Variants in APOOL observed in about 807,000 individuals in gnomAD.
APOOL encodes apolipoprotein O like, also known as MICOS complex subunit MIC27.
Under a neutral mutation model 23.1 loss-of-function variants are expected in APOOL, and 12 were observed. That is an observed-to-expected ratio of 0.52 (90% CI 0.33 to 0.84). The LOEUF (loss-of-function observed/expected upper bound fraction) is 0.84. Among genes scored for constraint, APOOL ranks in the 40% least tolerant of loss-of-function variants. The pLI, the probability that APOOL is intolerant of heterozygous loss-of-function variation, is 0.02. For missense variants in APOOL, 212 were observed against 199.6 expected (o/e 1.06, Z -0.37); for synonymous variants, 77 against 69.9 (o/e 1.10, Z -0.51).
Position 85,055,932 on chromosome X carries a change from T to C in APOOL, c.394+7T>C, listed in dbSNP as rs202192986. ...TTGGTTTCAGCGAGAAAAGGTAGGG[T>C]TTTAAAAAATATATTCTCTCTTAAT... On this transcript the variant is annotated splice_region_variant and intron_variant, in intron 5 of 8. Transcript: ENST00000373173. 400 of 1,150,872 alleles carry C rather than the reference T, an allele frequency of 3.5e-4. 1 individual carries two copies. In the African/African-American group the frequency reaches 6.4e-3, roughly 18 times the overall value. The allele number at this position is 1,150,872 out of a possible 1,213,427, so 94.8% of individuals were successfully genotyped here.
intron 1 of APOOL, among the ~76,000 whole-genome samples, chrX:85,012,379 A>G (rs1040645167): frequency 3.6e-5 from 4 of 111,310 alleles, no homozygotes; most frequent in African/African-American, 1.3e-4. Flanking sequence ...TTCCAGTATC[A>G]TGTTGAATAG....
intron 1 of APOOL, among the ~76,000 whole-genome samples, chrX:85,006,269 A>G (rs1921076815): frequency 9.0e-6 from 1 of 111,485 alleles, no homozygotes; most frequent in Non-Finnish European, 1.9e-5. Context: ...CAGATGATTT[A>G]CATATATTAT....
intron 1 of APOOL, among the ~76,000 whole-genome samples, chrX:85,042,108 C>T (rs1470639829): frequency 9.0e-6 from 1 of 111,386 alleles, no homozygotes; most frequent in Non-Finnish European, 1.9e-5. Context: ...TAATAAAGAT[C>T]AGAACAGAAA....
At chrX:85,011,412 C>T (rs1392606954) in intron 1 of APOOL, among the ~76,000 whole-genome samples, 1 of 111,791 alleles carries the variant, frequency 8.9e-6, no homozygotes, top group Non-Finnish European at 1.9e-5. Context: ...TACTCTTTGC[C>T]TAAGCCAATG....
At position 85,040,224 on chromosome X, in the gene APOOL, C is replaced by A. The variant is rs746586291; in HGVS notation, c.16-6222C>A. On this transcript the variant is annotated intron_variant, in intron 1 of 8. Coordinates refer to ENST00000373173, the MANE Select transcript of APOOL (RefSeq NM_198450.6). ...TTTATTTAAGAATGCTGCATATAGG[C>A]CCCAAATCTCTTCTGGCTTATAGCA... Among the ~76,000 whole-genome samples, 80 of 112,107 alleles carry A rather than the reference C, an allele frequency of 7.1e-4. 1 individual carries two copies. The highest frequency in any genetic ancestry group is 2.5e-3 in the African/African-American group (76 of 30,873).
At chrX:85,017,139 G>T (rs1339899999) in intron 1 of APOOL, among the ~76,000 whole-genome samples, 1 of 112,089 alleles carries the variant, frequency 8.9e-6, no homozygotes, top group African/African-American at 3.2e-5. Flanking sequence ...GGGTTATTAA[G>T]TGGATCTGAG....
chrX:85,014,316 G>A lies in APOOL; in HGVS notation c.15+10389G>A, dbSNP rs1371504973. On this transcript the variant is annotated intron_variant, in intron 1 of 8. Transcript: ENST00000373173. The stretch of plus-strand genomic sequence containing the variant: ...GGAGCATTTAGGCCATTTACTATCA[G>A]CGTTAGTATTGAGATGTGAGGTACT... 3.6e-5 allele frequency among the ~76,000 whole-genome samples: 4 copies of A among 111,261 alleles called. No individual in the cohort carries two copies. The East Asian group carries it at 8.4e-4, about 23-fold the overall frequency.
Position 85,092,634 on chromosome X carries a change from G to T in APOOL, c.*4956G>T. ...TCTTCGTTAACACATATATTTTATT[G>T]AAGGTCTACTCTATGCAAGACACTA... On this transcript the variant is annotated 3_prime_UTR_variant, in exon 9 of 9. Transcript: ENST00000373173. 1.0e-6 allele frequency: 1 copy of T among 962,680 alleles called. No homozygotes were observed. The highest frequency in any genetic ancestry group is 1.4e-6 in the Non-Finnish European group (1 of 696,114). The allele number at this position is 962,680 out of a possible 1,213,427, so 79.3% of individuals were successfully genotyped here.
At chrX:85,048,292 A>AT (rs200255979) in intron 2 of APOOL, among the ~76,000 whole-genome samples, 4,892 of 110,208 alleles carry the variant, frequency 0.044, 242 homozygotes, top group African/African-American at 0.14. Context: ...GTATTTTTTT[A>AT]TTTTTTCTGT....
intron 1 of APOOL, among the ~76,000 whole-genome samples, chrX:85,011,211 T>C (rs750976228): frequency 8.9e-6 from 1 of 112,035 alleles, no homozygotes; most frequent in South Asian, 3.7e-4. Flanking sequence ...CTTGATTTGT[T>C]TGAGTTCCTT....
chrX:85,026,465 C>A (rs767810756), intron 1 of APOOL, among the ~76,000 whole-genome samples: 30 of 113,311 alleles, frequency 2.6e-4, no homozygotes, highest in Non-Finnish European at 4.5e-4. Context: ...GGTTGCTCAG[C>A]AGCCTGTTTG....
chrX:85,069,281 CCTT>C (rs1923577597), intron 6 of APOOL, among the ~76,000 whole-genome samples: 1 of 110,648 alleles, frequency 9.0e-6, no homozygotes, highest in Non-Finnish European at 1.9e-5. Context: ...ACAAGAAAAA[CCTT>C]CTTATTTGAC....
intron 8 of APOOL, among the ~76,000 whole-genome samples, chrX:85,086,347 C>T (rs1437872312): frequency 8.9e-6 from 1 of 111,773 alleles, no homozygotes; most frequent in Non-Finnish European, 1.9e-5. Context: ...CTCATTTGTA[C>T]TCAGATGTTT....
intron 1 of APOOL, among the ~76,000 whole-genome samples, chrX:85,043,010 G>A: frequency 9.0e-6 from 1 of 111,515 alleles, no homozygotes; most frequent in East Asian, 2.8e-4. Context: ...GAATATAACT[G>A]CTGGAAATAA....
Position 85,026,659 on chromosome X carries a change from T to C in APOOL, c.16-19787T>C, listed in dbSNP as rs371817426. On this transcript the variant is annotated intron_variant, in intron 1 of 8. Coordinates refer to ENST00000373173, the MANE Select transcript of APOOL (RefSeq NM_198450.6). ...CTTTGCTACTTAGAATTTTTTTTTC[T>C]ACCAGATAGGCTAGGTCATCAGATC... 1.2e-4 allele frequency among the ~76,000 whole-genome samples: 13 copies of C among 112,095 alleles called. No individual in the cohort carries two copies. The East Asian group carries it at 2.5e-3, about 22-fold the overall frequency.
At chrX:85,077,683 A>G (rs1461994217) in intron 8 of APOOL, among the ~76,000 whole-genome samples, 1 of 111,272 alleles carries the variant, frequency 9.0e-6, no homozygotes, top group Non-Finnish European at 1.9e-5. Flanking sequence ...GAATCGCCAC[A>G]CTCTCTTCCA....
chrX:85,083,949 A>G (rs1323423036), intron 8 of APOOL, among the ~76,000 whole-genome samples: 1 of 110,933 alleles, frequency 9.0e-6, no homozygotes, highest in African/African-American at 3.3e-5. Context: ...AAATGTTCTT[A>G]TTAGAGAGCA....
chrX:85,035,129 T>C (rs1230975291), intron 1 of APOOL, among the ~76,000 whole-genome samples: 2 of 111,557 alleles, frequency 1.8e-5, no homozygotes, highest in Non-Finnish European at 3.8e-5. Context: ...CTGCTGTTTT[T>C]TGATTTTTTA....
At position 85,087,911 on chromosome X, in the gene APOOL, A is replaced by G. The variant is rs1172233390; in HGVS notation, c.*233A>G. ...TTGATGAGGAGACTTAGGTAGAAGT[A>G]TTAGCTTGCATTTGATGACCTTTAA... On this transcript the variant is annotated 3_prime_UTR_variant, in exon 9 of 9. Coordinates refer to ENST00000373173, the MANE Select transcript of APOOL (RefSeq NM_198450.6). 4 of 251,005 alleles carry G rather than the reference A, an allele frequency of 1.6e-5. No individual in the cohort carries two copies. Among genetic ancestry groups the G allele is most frequent in the Admixed American group, 6.8e-5 (1 of 14,749 alleles). 20.7% of individuals were successfully genotyped at this position (251,005 alleles called of 1,213,427 possible). A position where few individuals can be genotyped will look rare whatever the true frequency, so the allele number is the denominator to read the frequency against.
Sources: gnomAD v4.1 joint callset for allele counts (sites outside exome capture counted in the v4.1 genomes callset) on GRCh38, gnomAD v4.1.1 for gene constraint, MANE v1.5 for transcripts, NCBI Gene and HGNC (gene_info 2026-07-23, HGNC 2026-07-21) for gene names.